The following SEMA4F variants were observed in gnomAD, a reference collection of about 807,000 sequenced individuals.
SEMA4F encodes ssemaphorin 4F, also known as semaphorin-4F.
A neutral mutation model predicts 78.4 loss-of-function variants in SEMA4F; 51 were observed. That is an observed-to-expected ratio of 0.65 (90% CI 0.52 to 0.82). SEMA4F has a LOEUF of 0.82. SEMA4F is among the 40% of genes least tolerant of loss of function. The pLI, the probability that SEMA4F is intolerant of heterozygous loss-of-function variation, is 0.00. For missense variants in SEMA4F, 938 were observed against 1,014.4 expected (o/e 0.92, Z 1.02); for synonymous variants, 418 against 408.7 (o/e 1.02, Z -0.27).
chr2:74,686,107 T>A (rs1227903945), downstream of SEMA4F, among the ~76,000 whole-genome samples: 1 of 148,650 alleles, frequency 6.7e-6, no homozygotes, highest in Non-Finnish European at 1.5e-5. Context: ...TTTTTTTTCT[T>A]TTTTTTTTTT....
At position 74,681,978 on chromosome 2, in the gene SEMA4F, G is replaced by A. The variant is rs1194183760; in HGVS notation, c.*1769G>A. On this transcript the variant is annotated 3_prime_UTR_variant, in exon 14 of 14. Coordinates refer to ENST00000357877, the MANE Select transcript of SEMA4F (RefSeq NM_004263.5). ...CATCAGTTTACTCATCTGCGAAGTG[G>A]GGATAATAAAACCTACCTCAGGGTT... 1 of 152,558 alleles carries A rather than the reference G, an allele frequency of 6.6e-6. No homozygotes were observed. Among genetic ancestry groups the A allele is most frequent in the Non-Finnish European group, 1.5e-5 (1 of 68,040 alleles). The allele number at this position is 152,558 out of a possible 1,614,324, so 9.5% of individuals were successfully genotyped here. A position where few individuals can be genotyped will look rare whatever the true frequency, so the allele number is the denominator to read the frequency against.
chr2:74,680,232 G>T lies in SEMA4F; in HGVS notation c.*23G>T. 1.3e-6 allele frequency: 2 copies of T among 1,532,352 alleles called. No homozygotes were observed. The highest frequency in any genetic ancestry group is 1.8e-6 in the Non-Finnish European group (2 of 1,136,362). 94.9% of individuals were successfully genotyped at this position (1,532,352 alleles called of 1,614,324 possible). A position where few individuals can be genotyped will look rare whatever the true frequency, so the allele number is the denominator to read the frequency against. ...TAGAGCTGGGCAAATGACCACTAGT[G>T]TATAAGTGATCACTGGAACGGAGTG... is the stretch of plus-strand genomic sequence containing the variant. On this transcript the variant is annotated 3_prime_UTR_variant, in exon 14 of 14. Coordinates refer to ENST00000357877, the MANE Select transcript of SEMA4F (RefSeq NM_004263.5).
chr2:74,692,781 TTTTCACAAA>T, the SEMA4F span, among the ~76,000 whole-genome samples: 9 of 152,154 alleles, frequency 5.9e-5, no homozygotes, highest in African/African-American at 1.9e-4. Context: ...CCAGCTTGGT[TTTTCACAAA>T]GGTGGGAGTG....
chr2:74,670,099 T>C (rs1024789574), intron 5 of SEMA4F, among the ~76,000 whole-genome samples: 3 of 152,212 alleles, frequency 2.0e-5, no homozygotes, highest in African/African-American at 7.2e-5. Flanking sequence ...CTTTTGCCAA[T>C]GGCGGATGTG....
Position 74,654,302 on chromosome 2 carries a change from G to GCCGAGGCCAGTAGCC in SEMA4F, c.-71_-57dup. The GCCGAGGCCAGTAGCC allele has an allele frequency of 7.3e-7, 1 of 1,367,018 alleles. No homozygotes were observed. The highest frequency in any genetic ancestry group is 9.4e-7 in the Non-Finnish European group (1 of 1,065,500). The allele number at this position is 1,367,018 out of a possible 1,614,324, so 84.7% of individuals were successfully genotyped here. A position where few individuals can be genotyped will look rare whatever the true frequency, so the allele number is the denominator to read the frequency against. Reference sequence around the variant, plus strand: ...ACCGAGCCGAGAGGACCCGAGTGGGGCCGAGGCCAGTAGCCCCGGGGCCCT... The same window carrying GCCGAGGCCAGTAGCC: ...ACCGAGCCGAGAGGACCCGAGTGGGGCCGAGGCCAGTAGCCCCGAGGCCAGTAGCCCCGGGGCCCT... On this transcript the variant is annotated 5_prime_UTR_variant, in exon 1 of 14. Transcript: ENST00000357877.
intron 4 of SEMA4F, 49 bp from the exon 5 acceptor site, chr2:74,662,683 T>C (rs377106088): frequency 3.8e-5 from 56 of 1,479,102 alleles, no homozygotes; most frequent in Non-Finnish European, 5.3e-5. Context: ...ATTCTCACCA[T>C]GAACCTTCCC....
chr2:74,666,450 A>G lies in SEMA4F; in HGVS notation c.550+3625A>G, dbSNP rs991286323. Among the ~76,000 whole-genome samples, 4 of 151,786 alleles carry G rather than the reference A, an allele frequency of 2.6e-5. No homozygotes were observed. In the East Asian group the frequency reaches 5.8e-4, roughly 22 times the overall value. ...TAAATAAAATTCAGGGTTGCCTTTC[A>G]GTTGATAATTGATGGAGGCGATCAG... is the stretch of plus-strand genomic sequence containing the variant. On this transcript the variant is annotated intron_variant, in intron 5 of 13. Coordinates refer to ENST00000357877, the MANE Select transcript of SEMA4F (RefSeq NM_004263.5).
At position 74,680,053 on chromosome 2, in the gene SEMA4F, C is replaced by A. The variant is rs192916728; in HGVS notation, c.2157C>A (p.Pro719=). The change falls in exon 14 of 14, where the codon CCC becomes CCA. Residue 719 remains proline, a synonymous_variant. Transcript: ENST00000357877. ...TTSYSQDPPS[P]SPEDERLPLA... Reference sequence around the variant, plus strand: ...GCTACAGCCAAGACCCTCCCTCCCCCTCTCCTGAAGATGAGCGGTTGCCGC... The same window carrying A: ...GCTACAGCCAAGACCCTCCCTCCCCATCTCCTGAAGATGAGCGGTTGCCGC... 6.8e-6 allele frequency: 11 copies of A among 1,614,030 alleles called. No individual in the cohort carries two copies. Among genetic ancestry groups the A allele is most frequent in the Admixed American group, 1.7e-5 (1 of 60,012 alleles).
intron 5 of SEMA4F, among the ~76,000 whole-genome samples, chr2:74,671,003 T>G (rs115159853): frequency 1.4e-5 from 2 of 137,974 alleles, no homozygotes; most frequent in Non-Finnish European, 2.9e-5. Context: ...TTTGTTTATC[T>G]TATTTAACCC....
chr2:74,674,946 C>G lies in SEMA4F; in HGVS notation c.1060C>G (p.Leu354Val), dbSNP rs149043845. The part of the protein sequence containing the change: ...AFRPQDIRTV[L>V]NGPFRELKHD... ...CCGACCACAAGACATTCGGACAGTG[C>G]TGAATGGTCCCTTCAGAGAACTAAA... The change falls in exon 9 of 14, where the codon CTG (leucine) becomes GTG (valine). Residue 354 changes from leucine to valine, a missense_variant. Leu to Val is a conservative substitution (Grantham distance 32, BLOSUM62 1). Coordinates refer to ENST00000357877, the MANE Select transcript of SEMA4F (RefSeq NM_004263.5). 4.3e-6 allele frequency: 7 copies of G among 1,613,912 alleles called. No homozygotes were observed. The African/African-American group carries it at 8.0e-5, about 18-fold the overall frequency.
At chr2:74,705,472 A>T in the SEMA4F span, among the ~76,000 whole-genome samples, 4 of 152,232 alleles carry the variant, frequency 2.6e-5, no homozygotes, top group Admixed American at 2.6e-4. Flanking sequence ...TAATATTGAG[A>T]AATCTATTTA....
At chr2:74,661,728 C>G (rs923520453) in intron 4 of SEMA4F, among the ~76,000 whole-genome samples, 2 of 152,146 alleles carry the variant, frequency 1.3e-5, no homozygotes, top group African/African-American at 4.8e-5. Context: ...TGTTTGCCAT[C>G]TAGAACAAGA....
chr2:74,683,441 G>A lies in SEMA4F; in HGVS notation c.*3232G>A, dbSNP rs1242143490. The A allele has an allele frequency of 6.6e-6, 1 of 152,270 alleles. No individual in the cohort carries two copies. Among genetic ancestry groups the A allele is most frequent in the African/African-American group, 2.4e-5 (1 of 41,460 alleles). The allele number at this position is 152,270 out of a possible 1,614,324, so 9.4% of individuals were successfully genotyped here. On this transcript the variant is annotated 3_prime_UTR_variant, in exon 14 of 14. Coordinates refer to ENST00000357877, the MANE Select transcript of SEMA4F (RefSeq NM_004263.5). ...AGAGAAGGCAGAAGTGGCTTTCCCC[G>A]AGGTGAGGACGGGGATGGGAGTTTT...
At chr2:74,703,516 G>A in the SEMA4F span, among the ~76,000 whole-genome samples, 3 of 152,170 alleles carry the variant, frequency 2.0e-5, no homozygotes, top group African/African-American at 2.4e-5. Context: ...CTCCCCTCCC[G>A]TTAGCTGCTG....
In SEMA4F at chr2:74,673,549, A is replaced by T. The variant is rs1685099876; in HGVS notation, c.643A>T (p.Thr215Ser). The T allele has an allele frequency of 1.2e-6, 2 of 1,614,142 alleles. No homozygotes were observed. Among genetic ancestry groups the T allele is most frequent in the Non-Finnish European group, 1.7e-6 (2 of 1,180,020 alleles). ...AVGRAEDWIR[T>S]DTLPSWLNAP... is the part of the protein sequence containing the mutation. ...GGGTCGTGCCGAGGACTGGATTCGG[A>T]CAGATACCTTGCCTTCCTGGCTGAA... Residue 215 changes from threonine (T) to serine (S), a missense_variant, in exon 6 of 14, where the codon ACA becomes TCA. Transcript: ENST00000357877.
At chr2:74,689,205 G>T in the SEMA4F span, among the ~76,000 whole-genome samples, 13 of 152,192 alleles carry the variant, frequency 8.5e-5, no homozygotes, top group Admixed American at 6.5e-5. Flanking sequence ...TACTGAGACA[G>T]TCTAATGTAG....
chr2:74,690,015 A>C, the SEMA4F span, among the ~76,000 whole-genome samples: 2 of 152,202 alleles, frequency 1.3e-5, no homozygotes, highest in Admixed American at 6.5e-5. Flanking sequence ...AGAGTTATTA[A>C]GATACCCACG....
intron 5 of SEMA4F, among the ~76,000 whole-genome samples, chr2:74,668,430 A>G (rs371477763): frequency 1.2e-4 from 19 of 152,210 alleles, no homozygotes; most frequent in African/African-American, 2.4e-4. Context: ...TGCATCTCCA[A>G]TCATCTAATT....
At chr2:74,703,765 A>G in the SEMA4F span, among the ~76,000 whole-genome samples, 4 of 152,308 alleles carry the variant, frequency 2.6e-5, no homozygotes, top group African/African-American at 9.6e-5. Context: ...TCTACTTCCA[A>G]ATCTTTATAG....
Sources: allele counts gnomAD v4.1 joint callset (sites outside exome capture counted in the v4.1 genomes callset), GRCh38; gene constraint gnomAD v4.1.1; transcripts MANE v1.5; gene names NCBI Gene and HGNC (gene_info 2026-07-23, HGNC 2026-07-21).